The following SYNE2 variants were observed in gnomAD, a reference collection of about 807,000 sequenced individuals.
The protein encoded by SYNE2 is nesprin-2.
SYNE2 carries 431 observed loss-of-function variants against 856.3 expected under a neutral mutation model. The ratio of observed to expected loss-of-function variants is 0.50; its 90% confidence interval spans 0.47 to 0.55. The LOEUF (loss-of-function observed/expected upper bound fraction) is 0.55. SYNE2 is among the 20% of genes least tolerant of loss of function. The pLI is 0.00. For synonymous variants in SYNE2, 2,923 were observed against 2,872.3 expected (o/e 1.02, Z -0.56); for missense variants, 8,129 against 8,023.2 (o/e 1.01, Z -0.50).
intron 103 of SYNE2, among the ~76,000 whole-genome samples, 169 bp from the exon 104 acceptor site, chr14:64,211,792 C>T (rs193179840): frequency 6.6e-6 from 1 of 152,198 alleles, no homozygotes; most frequent in Non-Finnish European, 1.5e-5. Context: ...GAACCAGACC[C>T]CAGCCTCTGA....
At chr14:63,803,664 G>C (rs1888249637) in intron 1 of SYNE2, among the ~76,000 whole-genome samples, 1 of 152,232 alleles carries the variant, frequency 6.6e-6, no homozygotes, top group South Asian at 2.1e-4. Flanking sequence ...CTTCCTGCAA[G>C]CTGAGGGAGT....
chr14:64,168,122 G>A (rs969127529), intron 92 of SYNE2, among the ~76,000 whole-genome samples: 3 of 151,980 alleles, frequency 2.0e-5, no homozygotes, highest in African/African-American at 4.8e-5. Context: ...TTGGTGGGGG[G>A]AGACAGAGTC....
Position 63,917,787 on chromosome 14 carries a change from A to T in SYNE2, c.79+8560A>T, listed in dbSNP as rs2095549685. 5.9e-5 allele frequency among the ~76,000 whole-genome samples: 9 copies of T among 152,308 alleles called. 1 individual carries two copies. The South Asian group carries it at 1.9e-3, about 32-fold the overall frequency. On this transcript the variant is annotated intron_variant, in intron 2 of 115. Transcript: ENST00000555002. ...ACCTGGCCTCAAGCTTTATAATCTT[A>T]AAAATATTCTAATTAAATGAAAAAT... is the stretch of plus-strand genomic sequence containing the variant.
intron 25 of SYNE2, 30 bp from the exon 26 acceptor site, chr14:63,998,189 T>A: frequency 7.0e-7 from 1 of 1,431,052 alleles, no homozygotes; most frequent in Non-Finnish European, 9.9e-7. Context: ...GTTTAAGATA[T>A]TTCGTTTACT....
At chr14:63,847,855 G>A (rs374580324) in intron 1 of SYNE2, among the ~76,000 whole-genome samples, 19 of 151,214 alleles carry the variant, frequency 1.3e-4, no homozygotes, top group Admixed American at 9.2e-4. Flanking sequence ...CAAAGTGCTG[G>A]GATTACAGGC....
chr14:63,966,384 G>A (rs754615950), intron 10 of SYNE2, among the ~76,000 whole-genome samples: 1 of 151,708 alleles, frequency 6.6e-6, no homozygotes. Flanking sequence ...TTAGCTGGAC[G>A]TGGTGGTGCA....
chr14:63,888,669 A>G (rs17101422), intron 1 of SYNE2, among the ~76,000 whole-genome samples: 1,812 of 152,288 alleles, frequency 0.012, 34 homozygotes, highest in African/African-American at 0.04. Flanking sequence ...TTTTTGGGTA[A>G]ATTATTGACA....
intron 45 of SYNE2, among the ~76,000 whole-genome samples, chr14:64,046,503 C>A (rs2097187359): frequency 6.6e-6 from 1 of 152,164 alleles, no homozygotes. Context: ...CAGATGCATG[C>A]CACCATGTTG....
chr14:64,105,920 G>A (rs1341101922), intron 64 of SYNE2, among the ~76,000 whole-genome samples: 4 of 151,854 alleles, frequency 2.6e-5, no homozygotes, highest in Admixed American at 2.0e-4. Flanking sequence ...TTAGCCGGTC[G>A]TGGTGGTGCA....
rs1255906 is a variant in SYNE2, at chr14:63,990,211, G to A, written c.2314-200G>A. ...TTGAAGTGCTTACTGTATAAAGAAT[G>A]ATCCATAAAACATGTTCAGAATCTG... On this transcript the variant is annotated intron_variant, in intron 19 of 115. Coordinates refer to ENST00000555002, the MANE Select transcript of SYNE2 (RefSeq NM_182914.3). Among the ~76,000 whole-genome samples the A allele has an allele frequency of 0.52, 79,039 of 151,936 alleles. 21,609 individuals are homozygous for A. The highest frequency in any genetic ancestry group is 0.7 in the African/African-American group (28,967 of 41,450).
intron 38 of SYNE2, 86 bp from the exon 39 acceptor site, chr14:64,024,171 A>C (rs1423792657): frequency 6.2e-6 from 7 of 1,133,158 alleles, no homozygotes; most frequent in Non-Finnish European, 9.3e-6. Context: ...ATGTCTGTGT[A>C]CTGGTTTGGA....
At chr14:63,787,919 G>A (rs1000984367) in intron 1 of SYNE2, among the ~76,000 whole-genome samples, 1 of 152,198 alleles carries the variant, frequency 6.6e-6, no homozygotes, top group African/African-American at 2.4e-5. Flanking sequence ...TGTGCCACCA[G>A]CATCCATGGC....
intron 51 of SYNE2, among the ~76,000 whole-genome samples, chr14:64,070,315 G>A (rs1165758853): frequency 1.3e-5 from 2 of 152,186 alleles, no homozygotes; most frequent in Admixed American, 1.3e-4. Context: ...AAGCAGTTTG[G>A]TGGAGCTCAT....
intron 10 of SYNE2, among the ~76,000 whole-genome samples, chr14:63,964,506 A>AT (rs966851186): frequency 2.6e-5 from 4 of 151,956 alleles, no homozygotes; most frequent in African/African-American, 4.8e-5. Context: ...CATGCTTTTT[A>AT]TTTTATTTTT....
chr14:64,210,847 C>T (rs1253257077), intron 103 of SYNE2, among the ~76,000 whole-genome samples: 5 of 152,090 alleles, frequency 3.3e-5, no homozygotes, highest in African/African-American at 9.7e-5. Flanking sequence ...TTTTCTCTCT[C>T]TCTCCCCCTC....
chr14:64,215,470 G>A, intron 107 of SYNE2, 116 bp downstream of exon 107: 2 of 1,019,266 alleles, frequency 2.0e-6, no homozygotes, highest in Admixed American at 3.4e-5. Flanking sequence ...CATGCGCCTT[G>A]GTCCTTGTGT....
chr14:64,225,647 T>G lies in SYNE2; in HGVS notation c.*121T>G. On this transcript the variant is annotated 3_prime_UTR_variant, in exon 116 of 116. Transcript: ENST00000555002. ...AGGTCCCGGGACCTGTGCAGACTTC[T>G]TCTGGGCTTACCCAGCACGGGCTCC... is the stretch of plus-strand genomic sequence containing the variant. The G allele has an allele frequency of 8.9e-7, 1 of 1,125,622 alleles. No individual in the cohort carries two copies. Among genetic ancestry groups the G allele is most frequent in the Non-Finnish European group, 1.3e-6 (1 of 759,872 alleles). The allele number at this position is 1,125,622 out of a possible 1,614,324, so 69.7% of individuals were successfully genotyped here.
intron 8 of SYNE2, among the ~76,000 whole-genome samples, chr14:63,959,669 T>C (rs1468546681): frequency 2.6e-5 from 4 of 152,180 alleles, no homozygotes; most frequent in African/African-American, 4.8e-5. Context: ...TCTTGTTAAC[T>C]TTTTACCCCT....
At chr14:63,948,782 G>GTGTGTGTA (rs1454688156) in intron 6 of SYNE2, among the ~76,000 whole-genome samples, 1 of 43,906 alleles carries the variant, frequency 2.3e-5, no homozygotes, top group African/African-American at 8.1e-5. Flanking sequence ...ATGTGTGTGT[G>GTGTGTGTA]TATATATATA....
Sources: allele counts gnomAD v4.1 joint callset (sites outside exome capture counted in the v4.1 genomes callset), GRCh38; gene constraint gnomAD v4.1.1; transcripts MANE v1.5; gene names NCBI Gene and HGNC (gene_info 2026-07-23, HGNC 2026-07-21).